Variants in ZUP1 observed in about 807,000 individuals in gnomAD.
ZUP1 encodes zinc finger-containing ubiquitin peptidase 1.
A neutral mutation model predicts 68.1 loss-of-function variants in ZUP1; 55 were observed. The observed-to-expected ratio is 0.81, with a 90% confidence interval of 0.65 to 1.01. The LOEUF (loss-of-function observed/expected upper bound fraction) is 1.01. Ranked by LOEUF, ZUP1 falls within the 50% of genes least tolerant of loss-of-function variation. ZUP1 has a pLI of 0.00. For synonymous variants in ZUP1, 223 were observed against 221.5 expected (o/e 1.01, Z -0.06); for missense variants, 684 against 674.9 (o/e 1.01, Z -0.15).
At chr6:116,663,943 T>A (rs896668766) in intron 2 of ZUP1, among the ~76,000 whole-genome samples, 4 of 151,848 alleles carry the variant, frequency 2.6e-5, no homozygotes, top group Admixed American at 1.3e-4. Flanking sequence ...TAAGACCTTG[T>A]CTCAAAAAAT....
chr6:116,648,050 A>T (rs1776368175), intron 7 of ZUP1, among the ~76,000 whole-genome samples: 1 of 152,206 alleles, frequency 6.6e-6, no homozygotes, highest in Admixed American at 6.5e-5. Context: ...ATTCCTCAGT[A>T]GCCATTGGTA....
Position 116,639,182 on chromosome 6 carries a change from G to A in ZUP1, c.1690-3303C>T, listed in dbSNP as rs534222180. ...GCTCGCTTAGGTAAACAAAGCAGCCGGGAAGCTCGAACTGGGTGGAGCCCA... is the reference window on the plus strand; with the variant it reads ...GCTCGCTTAGGTAAACAAAGCAGCCAGGAAGCTCGAACTGGGTGGAGCCCA... On this transcript the variant is annotated intron_variant, in intron 9 of 9. Coordinates refer to ENST00000368576, the MANE Select transcript of ZUP1 (RefSeq NM_145062.3). Among the ~76,000 whole-genome samples the A allele has an allele frequency of 6.3e-4, 96 of 152,298 alleles. No homozygotes were observed. The South Asian group carries it at 8.5e-3, about 13-fold the overall frequency.
chr6:116,646,989 C>T (rs1776329285), intron 8 of ZUP1, among the ~76,000 whole-genome samples: 1 of 152,134 alleles, frequency 6.6e-6, no homozygotes, highest in South Asian at 2.1e-4. Flanking sequence ...GAACTAAACA[C>T]AGAAAACAAG....
chr6:116,653,283 T>A (rs1776571262), intron 5 of ZUP1, among the ~76,000 whole-genome samples: 2 of 152,052 alleles, frequency 1.3e-5, no homozygotes, highest in East Asian at 3.8e-4. Context: ...CAACATTCAG[T>A]CACAGAATAC....
intron 3 of ZUP1, among the ~76,000 whole-genome samples, chr6:116,659,863 C>T (rs1386561301): frequency 1.3e-5 from 2 of 152,016 alleles, no homozygotes; most frequent in African/African-American, 4.8e-5. Context: ...TTTCAAAGTT[C>T]TCAGCTGCTG....
chr6:116,641,026 A>T (rs1291073932), intron 9 of ZUP1, among the ~76,000 whole-genome samples: 1 of 150,772 alleles, frequency 6.6e-6, no homozygotes, highest in Non-Finnish European at 1.5e-5. Flanking sequence ...AAAAAAAGGC[A>T]GGGGTTGCAA....
rs141526162 is a variant in ZUP1, at chr6:116,648,018, C to T, written c.1317-408G>A. Among the ~76,000 whole-genome samples the T allele has an allele frequency of 1.1e-4, 16 of 152,284 alleles. 1 individual carries two copies. The East Asian group carries it at 2.9e-3, about 28-fold the overall frequency. On this transcript the variant is annotated intron_variant, in intron 7 of 9. Transcript: ENST00000368576. ...TATTCTAGTTTCTAACCCTGATGATCAGAAGCTGATTTCTGATTTTAATTC... is the reference window on the plus strand; with the variant it reads ...TATTCTAGTTTCTAACCCTGATGATTAGAAGCTGATTTCTGATTTTAATTC...
chr6:116,646,308 T>A (rs1776308041), intron 8 of ZUP1: 1 of 166,638 alleles, frequency 6.0e-6, no homozygotes, highest in Non-Finnish European at 1.3e-5. Flanking sequence ...TGCTAGAATA[T>A]CAGTGGAGGG....
At position 116,645,702 on chromosome 6, in the gene ZUP1, T is replaced by G; in HGVS notation, c.1689+12A>C. 6.4e-7 allele frequency: 1 copy of G among 1,561,418 alleles called. No homozygotes were observed. The highest frequency in any genetic ancestry group is 8.7e-7 in the Non-Finnish European group (1 of 1,146,200). On this transcript the variant is annotated intron_variant, in intron 9 of 9. Transcript: ENST00000368576. ...TCATTCAAACTTCACATATAAATAT[T>G]TAGATACTTACAAGTTTCTCCTCTA...
intron 7 of ZUP1, among the ~76,000 whole-genome samples, chr6:116,649,929 A>G (rs918791752): frequency 6.6e-6 from 1 of 152,238 alleles, no homozygotes; most frequent in African/African-American, 2.4e-5. Context: ...ACTAATATCG[A>G]ACAAACAAAA....
chr6:116,645,864 A>C lies in ZUP1; in HGVS notation c.1539T>G (p.Pro513=). ...NRTLCLLILD[P]GCPSREMQKL... ...TCTGCATTTCTCGAGAAGGACATCCAGGATCAAGTATTAGTAAGCATAATG... is the reference window on the plus strand; with the variant it reads ...TCTGCATTTCTCGAGAAGGACATCCCGGATCAAGTATTAGTAAGCATAATG... Residue 513 remains proline (P), a synonymous_variant, in exon 9 of 10, where the codon CCT becomes CCG. Transcript: ENST00000368576. 4 of 1,613,938 alleles carry C rather than the reference A, an allele frequency of 2.5e-6. No individual in the cohort carries two copies. Among genetic ancestry groups the C allele is most frequent in the Non-Finnish European group, 3.4e-6 (4 of 1,179,914 alleles).
chr6:116,668,254 T>G (rs1032184826), intron 1 of ZUP1, among the ~76,000 whole-genome samples: 2 of 152,208 alleles, frequency 1.3e-5, no homozygotes, highest in Non-Finnish European at 2.9e-5. Flanking sequence ...GTGGGATTAA[T>G]GTCACACCCG....
At position 116,660,703 on chromosome 6, in the gene ZUP1, A is replaced by G. The variant is rs146277428; in HGVS notation, c.670+33T>C. 437 of 1,234,132 alleles carry G rather than the reference A, an allele frequency of 3.5e-4. No homozygotes were observed. The African/African-American group carries it at 4.5e-3, about 13-fold the overall frequency. 76.4% of individuals were successfully genotyped at this position (1,234,132 alleles called of 1,614,324 possible). On this transcript the variant is annotated intron_variant, in intron 3 of 9. Coordinates refer to ENST00000368576, the MANE Select transcript of ZUP1 (RefSeq NM_145062.3). Reference sequence around the variant, plus strand: ...ATGTGTCCTAGAAAGTAGAAATTAAATGATATTTTTATCTTCAAACATATA... The same window carrying G: ...ATGTGTCCTAGAAAGTAGAAATTAAGTGATATTTTTATCTTCAAACATATA...
intron 4 of ZUP1, 39 bp downstream of exon 4, chr6:116,658,764 A>C: frequency 6.6e-7 from 1 of 1,512,806 alleles, no homozygotes; most frequent in Non-Finnish European, 8.9e-7. Context: ...AAATAACTTT[A>C]CCAAATCAAA....
intron 7 of ZUP1, among the ~76,000 whole-genome samples, chr6:116,648,135 A>AC (rs1776371003): frequency 6.6e-6 from 1 of 152,226 alleles, no homozygotes; most frequent in Non-Finnish European, 1.5e-5. Flanking sequence ...TGTAAATCAT[A>AC]GAAAAATGTG....
chr6:116,664,044 G>A (rs1368093754), intron 2 of ZUP1, among the ~76,000 whole-genome samples: 1 of 152,134 alleles, frequency 6.6e-6, no homozygotes, highest in African/African-American at 2.4e-5. Context: ...AACTGCAAAA[G>A]TTTCTTAGAT....
chr6:116,668,621 C>T lies in ZUP1; in HGVS notation c.-71G>A, dbSNP rs906453510. ...GCTCCGCTAGGCTTCCCCTTTGGGC[C>T]TCGCTGGCAGACGAGTGCGTGCGCG... On this transcript the variant is annotated 5_prime_UTR_variant, in exon 1 of 10. Coordinates refer to ENST00000368576, the MANE Select transcript of ZUP1 (RefSeq NM_145062.3). 6.6e-6 allele frequency: 1 copy of T among 152,542 alleles called. No homozygotes were observed. The highest frequency in any genetic ancestry group is 2.4e-5 in the African/African-American group (1 of 41,484). The allele number at this position is 152,542 out of a possible 1,614,324, so 9.4% of individuals were successfully genotyped here. A position where few individuals can be genotyped will look rare whatever the true frequency, so the allele number is the denominator to read the frequency against.
intron 9 of ZUP1, among the ~76,000 whole-genome samples, chr6:116,636,199 G>A (rs767750888): frequency 3.8e-4 from 58 of 152,106 alleles, no homozygotes; most frequent in Non-Finnish European, 7.1e-4. Flanking sequence ...GAGGCTAGAG[G>A]AAGACAGGGC....
At chr6:116,643,810 T>A (rs911328597) in intron 9 of ZUP1, among the ~76,000 whole-genome samples, 19 of 152,058 alleles carry the variant, frequency 1.2e-4, no homozygotes, top group African/African-American at 2.4e-4. Context: ...ACCAAAAGCA[T>A]TGGCAACAAA....
Sources: gnomAD v4.1 joint callset for allele counts (sites outside exome capture counted in the v4.1 genomes callset) on GRCh38, gnomAD v4.1.1 for gene constraint, MANE v1.5 for transcripts, NCBI Gene and HGNC (gene_info 2026-07-23, HGNC 2026-07-21) for gene names.